BCAS3: variants seen among roughly 807,000 people sequenced by gnomAD.
BCAS3 encodes BCAS3 microtubule associated cell migration factor, also known as BCAS4/BCAS3 fusion.
A neutral mutation model predicts 116.1 loss-of-function variants in BCAS3; 53 were observed. The observed-to-expected ratio is 0.46, with a 90% confidence interval of 0.37 to 0.57. BCAS3 has a LOEUF of 0.57. Among genes scored for constraint, BCAS3 ranks in the 20% least tolerant of loss-of-function variants. The pLI, the probability that BCAS3 is intolerant of heterozygous loss-of-function variation, is 0.00. For synonymous variants in BCAS3, 391 were observed against 408.2 expected, an observed-to-expected ratio of 0.96 and a Z score of 0.51; for missense variants, 917 against 1,165.4, an observed-to-expected ratio of 0.79 and a Z score of 3.10.
rs182858997 is a variant in BCAS3, at chr17:60,698,644, A to G, written c.214+8883A>G. ...CTGGGATCAAGATGGTACTTGTGGT[A>G]GAAAGATGATTGGATTGAGTATCAA... On this transcript the variant is annotated intron_variant, in intron 4 of 23. Coordinates refer to ENST00000407086, the MANE Select transcript of BCAS3 (RefSeq NM_017679.5). 1.4e-4 allele frequency among the ~76,000 whole-genome samples: 21 copies of G among 152,334 alleles called. No individual in the cohort carries two copies. In the East Asian group the frequency reaches 3.9e-3, roughly 28 times the overall value.
chr17:60,868,332 T>C (rs2054810329), intron 7 of BCAS3, among the ~76,000 whole-genome samples: 1 of 152,130 alleles, frequency 6.6e-6, no homozygotes, highest in African/African-American at 2.4e-5. Flanking sequence ...CCTAATCATA[T>C]CATTTTTCTT....
chr17:61,021,015 A>T lies in BCAS3; in HGVS notation c.1637+5114A>T, dbSNP rs904216159. ...TTTCCTTAAATGGAAGTAGCTCCTC[A>T]TTTCTTTCCCCCTCCCCATCTTTAT... On this transcript the variant is annotated intron_variant, in intron 16 of 23. Coordinates refer to ENST00000407086, the MANE Select transcript of BCAS3 (RefSeq NM_017679.5). The surrounding 1 kb of genome is among the most constrained non-coding windows in gnomAD (Gnocchi z 4.6). Among the ~76,000 whole-genome samples, 14 of 151,850 alleles carry T rather than the reference A, an allele frequency of 9.2e-5. No individual in the cohort carries two copies. Among genetic ancestry groups the T allele is most frequent in the African/African-American group, 3.4e-4 (14 of 41,304 alleles).
intron 22 of BCAS3, among the ~76,000 whole-genome samples, chr17:61,269,531 C>G (rs1385723828): frequency 6.6e-6 from 1 of 152,150 alleles, no homozygotes; most frequent in Admixed American, 6.5e-5. Flanking sequence ...AGTGACTACA[C>G]CATTTACATT....
At chr17:61,110,402 G>T (rs916357884) in intron 22 of BCAS3, among the ~76,000 whole-genome samples, 1 of 152,350 alleles carries the variant, frequency 6.6e-6, no homozygotes, top group Non-Finnish European at 1.5e-5. Flanking sequence ...TGCGCAAGCC[G>T]AAGCAGGGCG....
chr17:61,024,698 T>G (rs2066109847), intron 16 of BCAS3, among the ~76,000 whole-genome samples: 1 of 152,062 alleles, frequency 6.6e-6, no homozygotes, highest in African/African-American at 2.4e-5. Flanking sequence ...TGTTTCCTTT[T>G]TACATAAAAG....
At chr17:60,741,657 C>G (rs1208835663) in intron 5 of BCAS3, among the ~76,000 whole-genome samples, 1 of 152,146 alleles carries the variant, frequency 6.6e-6, no homozygotes, top group East Asian at 1.9e-4. Flanking sequence ...AGTTACCATG[C>G]ATCTATTGAT....
In BCAS3 at chr17:61,082,029, A is replaced by G. The variant is rs772020231; in HGVS notation, c.2328-2438A>G. ...CGCCTAACCAAAATGGGAAACAGGC[A>G]GGCATAGTGTTGACTCTCATCCATA... On this transcript the variant is annotated intron_variant, in intron 21 of 23. Coordinates refer to ENST00000407086, the MANE Select transcript of BCAS3 (RefSeq NM_017679.5). The surrounding 1 kb of genome is among the most constrained non-coding windows in gnomAD (Gnocchi z 5.1). Among the ~76,000 whole-genome samples, 25 of 152,190 alleles carry G rather than the reference A, an allele frequency of 1.6e-4. No homozygotes were observed. The highest frequency in any genetic ancestry group is 3.5e-4 in the Non-Finnish European group (24 of 68,034).
chr17:60,946,753 A>C (rs754721402), intron 13 of BCAS3, among the ~76,000 whole-genome samples: 1 of 151,964 alleles, frequency 6.6e-6, no homozygotes, highest in Non-Finnish European at 1.5e-5. Context: ...CTACAAAAAT[A>C]AAAGAAAATT....
intron 14 of BCAS3, among the ~76,000 whole-genome samples, chr17:60,989,178 A>C (rs981366197): frequency 8.5e-5 from 13 of 152,128 alleles, no homozygotes; most frequent in Non-Finnish European, 1.6e-4. Context: ...AAATTAATTT[A>C]GTCAGTGTAG....
At chr17:60,859,961 T>C (rs1006825954) in intron 7 of BCAS3, among the ~76,000 whole-genome samples, 2 of 152,180 alleles carry the variant, frequency 1.3e-5, no homozygotes, top group East Asian at 1.9e-4. Flanking sequence ...GCAAAGAACA[T>C]AGGAGTGCAT....
At chr17:60,999,203 C>A (rs2064052247) in intron 15 of BCAS3, among the ~76,000 whole-genome samples, 2 of 152,144 alleles carry the variant, frequency 1.3e-5, no homozygotes, top group African/African-American at 4.8e-5. Context: ...TGCACCAATA[C>A]TATCCTGTTT....
intron 5 of BCAS3, chr17:60,727,544 C>G (rs918995971): frequency 8.3e-7 from 1 of 1,207,548 alleles, no homozygotes. Context: ...GAGACTCTCG[C>G]CTCGCAAAGC....
In BCAS3 at chr17:61,089,944, T is replaced by C. The variant is rs142530598; in HGVS notation, c.2425+5380T>C. ...GCTGTCAGAGGCATAGAGATGCTGA[T>C]GGTAAAAATAAAGAGATTAGTGAGA... On this transcript the variant is annotated intron_variant, in intron 22 of 23. Transcript: ENST00000407086. Among the ~76,000 whole-genome samples the C allele has an allele frequency of 6.1e-3, 930 of 152,276 alleles. 4 individuals carry two copies. Among genetic ancestry groups the C allele is most frequent in the Non-Finnish European group, 9.2e-3 (624 of 68,022 alleles).
At chr17:60,727,727 T>C (rs2040036000) in intron 5 of BCAS3, among the ~76,000 whole-genome samples, 1 of 151,792 alleles carries the variant, frequency 6.6e-6, no homozygotes. Flanking sequence ...ATTGTTACAA[T>C]CCATGAACAT....
chr17:60,991,614 G>A (rs767588252), intron 15 of BCAS3, among the ~76,000 whole-genome samples: 26 of 152,166 alleles, frequency 1.7e-4, no homozygotes, highest in Non-Finnish European at 3.1e-4. Context: ...ACCACAGAAA[G>A]TCATTGTTAT....
In BCAS3 at chr17:61,387,060, A is replaced by G. The variant is rs773758033; in HGVS notation, c.2594-4917A>G. Among the ~76,000 whole-genome samples, 8 of 152,190 alleles carry G rather than the reference A, an allele frequency of 5.3e-5. No individual in the cohort carries two copies. Among genetic ancestry groups the G allele is most frequent in the Non-Finnish European group, 8.8e-5 (6 of 68,018 alleles). On this transcript the variant is annotated intron_variant, in intron 23 of 23. Transcript: ENST00000407086. This position sits in a 1 kb window ranked among gnomAD's most constrained non-coding sequence, Gnocchi z 6.2. ...AAGTGTGGGATTACAGGTGTGAGCC[A>G]CTGCACCTGGCCCGACTTCACCTCC...
intron 8 of BCAS3, among the ~76,000 whole-genome samples, chr17:60,871,259 A>G (rs1449778107): frequency 6.6e-6 from 1 of 152,120 alleles, no homozygotes; most frequent in Non-Finnish European, 1.5e-5. Context: ...TAAACTCCCA[A>G]GCTGAAGCAA....
intron 6 of BCAS3, among the ~76,000 whole-genome samples, chr17:60,783,044 G>A (rs1200915599): frequency 2.4e-4 from 36 of 151,974 alleles, no homozygotes; most frequent in Admixed American, 2.1e-3. Flanking sequence ...AGGATTTTTC[G>A]GGCAGTGAAA....
rs756318152 is a variant in BCAS3 at position 61,126,054 on chromosome 17, T to C, written c.2425+41490T>C. Among the ~76,000 whole-genome samples, 10 of 152,178 alleles carry C rather than the reference T, an allele frequency of 6.6e-5. No individual in the cohort carries two copies. The highest frequency in any genetic ancestry group is 1.5e-4 in the Non-Finnish European group (10 of 68,004). On this transcript the variant is annotated intron_variant, in intron 22 of 23. Transcript: ENST00000407086. The surrounding 1 kb of genome is among the most constrained non-coding windows in gnomAD (Gnocchi z 4.6). ...ATTGGGAATTCTGAGTAATGTGAAA[T>C]GTATGTGAATTGGAAGCAGTAATAA...
Sources: gnomAD v4.1 joint callset for allele counts (sites outside exome capture counted in the v4.1 genomes callset) on GRCh38, gnomAD v4.1.1 for gene constraint, Gnocchi (gnomAD v3.1) non-coding constraint, MANE v1.5 for transcripts, NCBI Gene and HGNC (gene_info 2026-07-23, HGNC 2026-07-21) for gene names.